The following TBC1D1 variants were observed in gnomAD, a reference collection of about 807,000 sequenced individuals.
The protein encoded by TBC1D1 is TBC1 domain family member 1, also known as TBC1 (tre-2/USP6, BUB2, cdc16) domain family, member 1.
Under a neutral mutation model 125.6 loss-of-function variants are expected in TBC1D1, and 89 were observed. That is an observed-to-expected ratio of 0.71 (90% CI 0.60 to 0.85). The LOEUF (loss-of-function observed/expected upper bound fraction) is 0.85, where lower values mean the gene tolerates loss of function less well. Among genes scored for constraint, TBC1D1 ranks in the 40% least tolerant of loss-of-function variants. The pLI, the probability that TBC1D1 is intolerant of heterozygous loss-of-function variation, is 0.00. For missense variants in TBC1D1, 1,377 were observed against 1,469.2 expected (o/e 0.94, Z 1.03); for synonymous variants, 565 against 564.1 (o/e 1.00, Z -0.02).
At chr4:38,000,676 C>G (rs1177848727) in intron 2 of TBC1D1, among the ~76,000 whole-genome samples, 2 of 152,144 alleles carry the variant, frequency 1.3e-5, no homozygotes, top group Non-Finnish European at 2.9e-5. Flanking sequence ...TTCCCCACAC[C>G]AGCAACCAGT....
chr4:38,072,800 C>T (rs967137366), intron 12 of TBC1D1, among the ~76,000 whole-genome samples: 10 of 152,158 alleles, frequency 6.6e-5, no homozygotes, highest in African/African-American at 2.2e-4. Context: ...CTGGCAACCA[C>T]CATTCTACTT....
intron 2 of TBC1D1, among the ~76,000 whole-genome samples, chr4:37,992,119 CTA>C (rs1269954234): frequency 6.6e-6 from 1 of 152,130 alleles, no homozygotes; most frequent in Non-Finnish European, 1.5e-5. Context: ...CAGAGGAGCC[CTA>C]GAAGGTTTGT....
At chr4:38,021,526 C>T (rs1744026115) in intron 5 of TBC1D1, 60 bp from the exon 6 acceptor site, 6 of 1,414,532 alleles carry the variant, frequency 4.2e-6, no homozygotes, top group African/African-American at 1.5e-5. Context: ...TCTGACATCT[C>T]AGCCCAGCTA....
At chr4:37,942,163 T>G (rs548241651) in intron 2 of TBC1D1, among the ~76,000 whole-genome samples, 1 of 152,198 alleles carries the variant, frequency 6.6e-6, no homozygotes, top group Admixed American at 6.5e-5. Flanking sequence ...GGTCTAAGTC[T>G]CTTTGTAAGT....
intron 2 of TBC1D1, among the ~76,000 whole-genome samples, chr4:37,958,290 A>C (rs951766008): frequency 6.6e-6 from 1 of 152,206 alleles, no homozygotes; most frequent in African/African-American, 2.4e-5. Context: ...TTCATCTCTA[A>C]CCAATAAACA....
chr4:38,019,252 A>G (rs1376438434), intron 4 of TBC1D1, among the ~76,000 whole-genome samples: 3 of 152,138 alleles, frequency 2.0e-5, no homozygotes, highest in Non-Finnish European at 4.4e-5. Flanking sequence ...AATGTGATCT[A>G]CTTAAATATT....
intron 10 of TBC1D1, among the ~76,000 whole-genome samples, chr4:38,046,252 G>T (rs945777967): frequency 2.4e-4 from 36 of 152,010 alleles, no homozygotes; most frequent in African/African-American, 8.2e-4. Flanking sequence ...GGCACCCGTA[G>T]TCCCAGCTAC....
At chr4:38,107,021 A>C (rs1578745272) in intron 15 of TBC1D1, among the ~76,000 whole-genome samples, 28 of 115,076 alleles carry the variant, frequency 2.4e-4, no homozygotes, top group African/African-American at 4.5e-4. Context: ...TCTCTTCCCC[A>C]CTCTTTCCCA....
intron 1 of TBC1D1, among the ~76,000 whole-genome samples, chr4:37,899,564 A>G (rs983085894): frequency 1.3e-5 from 2 of 151,942 alleles, no homozygotes; most frequent in South Asian, 2.1e-4. Context: ...CTAGTTCATC[A>G]TAGTGGGCTC....
intron 2 of TBC1D1, among the ~76,000 whole-genome samples, chr4:37,912,393 G>A (rs371094194): frequency 1.3e-5 from 2 of 152,224 alleles, no homozygotes; most frequent in South Asian, 4.1e-4. Context: ...GGGGAATGAT[G>A]AGATGCCCAC....
intron 17 of TBC1D1, among the ~76,000 whole-genome samples, chr4:38,122,606 C>G (rs980309517): frequency 6.6e-6 from 1 of 152,186 alleles, no homozygotes; most frequent in Non-Finnish European, 1.5e-5. Context: ...CTGGGCATAA[C>G]TCTACCGAAC....
intron 2 of TBC1D1, among the ~76,000 whole-genome samples, chr4:37,950,447 C>CTTGAA: frequency 7.7e-6 from 1 of 130,350 alleles, no homozygotes; most frequent in East Asian, 2.4e-4. Flanking sequence ...GCCGTCTTTG[C>CTTGAA]AAAAAAAAAA....
chr4:38,006,830 C>T (rs962092276), intron 2 of TBC1D1: 3 of 514,940 alleles, frequency 5.8e-6, no homozygotes, highest in East Asian at 5.6e-5. Flanking sequence ...CTTTGGTTTC[C>T]CCTTTCCACG....
chr4:37,961,418 A>G (rs1730035260), intron 2 of TBC1D1, among the ~76,000 whole-genome samples: 2 of 152,256 alleles, frequency 1.3e-5, no homozygotes, highest in Admixed American at 1.3e-4. Context: ...CTAAAAAAAA[A>G]TAGGGAACAT....
intron 1 of TBC1D1, 48 bp from the exon 2 acceptor site, chr4:37,901,955 A>G (rs1716116374): frequency 1.2e-6 from 1 of 801,780 alleles, no homozygotes. Flanking sequence ...GAAGGTAGCT[A>G]TTGCTATGAC....
intron 2 of TBC1D1, chr4:37,960,775 T>C (rs2152331653): frequency 6.2e-7 from 1 of 1,614,082 alleles, no homozygotes; most frequent in South Asian, 1.1e-5. Context: ...TATCCAGAAA[T>C]AGAAAAATTC....
At chr4:38,064,784 C>T (rs574125939) in intron 12 of TBC1D1, among the ~76,000 whole-genome samples, 4 of 151,026 alleles carry the variant, frequency 2.6e-5, no homozygotes, top group East Asian at 3.9e-4. Flanking sequence ...CTGCCATGCC[C>T]GGCTAATTTT....
intron 12 of TBC1D1, among the ~76,000 whole-genome samples, chr4:38,079,965 A>T (rs932396473): frequency 6.6e-6 from 1 of 152,220 alleles, no homozygotes; most frequent in African/African-American, 2.4e-5. Context: ...TGTGCATTAG[A>T]ATTTCCCAAT....
chr4:38,066,897 C>T (rs925597500), intron 12 of TBC1D1, among the ~76,000 whole-genome samples: 3 of 151,868 alleles, frequency 2.0e-5, no homozygotes, highest in Non-Finnish European at 4.4e-5. Context: ...TCTTTTACCC[C>T]GATGGAGTCT....
Sources: allele counts gnomAD v4.1 joint callset (sites outside exome capture counted in the v4.1 genomes callset), GRCh38; gene constraint gnomAD v4.1.1; transcripts MANE v1.5; gene names NCBI Gene and HGNC (gene_info 2026-07-23, HGNC 2026-07-21).